COQ3: variants seen among roughly 807,000 people sequenced by gnomAD.
COQ3 encodes ubiquinone biosynthesis O-methyltransferase, mitochondrial.
In COQ3, 29 loss-of-function variants were observed where a neutral mutation model predicts 33.1. The observed-to-expected ratio is 0.88, with a 90% confidence interval of 0.65 to 1.19. The LOEUF (loss-of-function observed/expected upper bound fraction) is 1.19, where lower values mean the gene tolerates loss of function less well. COQ3 is among the 50% of genes most tolerant of loss of function. The pLI is 0.00. For missense variants in COQ3, 437 were observed against 430.7 expected (o/e 1.01, Z -0.13); for synonymous variants, 173 against 157.8 (o/e 1.10, Z -0.72).
chr6:99,376,534 A>T (rs903528583), intron 4 of COQ3, among the ~76,000 whole-genome samples: 1 of 152,262 alleles, frequency 6.6e-6, no homozygotes, highest in African/African-American at 2.4e-5. Context: ...TTGAAAAAAC[A>T]GCAATCATTT....
chr6:99,387,851 A>G (rs1438799980), intron 1 of COQ3, among the ~76,000 whole-genome samples: 3 of 152,220 alleles, frequency 2.0e-5, no homozygotes, highest in Non-Finnish European at 4.4e-5. Context: ...GCTCCTGGAA[A>G]TAATAAGTGA....
At chr6:99,390,933 T>C (rs1207485010) in intron 1 of COQ3, among the ~76,000 whole-genome samples, 1 of 152,190 alleles carries the variant, frequency 6.6e-6, no homozygotes, top group East Asian at 1.9e-4. Flanking sequence ...ATTTCACATC[T>C]TGTCTTTTTG....
At chr6:99,393,747 C>T (rs1242682755) in intron 1 of COQ3, among the ~76,000 whole-genome samples, 8 of 152,226 alleles carry the variant, frequency 5.3e-5, no homozygotes, top group African/African-American at 1.9e-4. Flanking sequence ...ATTCCTGCCC[C>T]GGCAAAGGAA....
chr6:99,382,596 G>A (rs757977259), intron 2 of COQ3, among the ~76,000 whole-genome samples: 1 of 152,124 alleles, frequency 6.6e-6, no homozygotes, highest in Non-Finnish European at 1.5e-5. Context: ...ATTTGACTAA[G>A]AATGATTTCA....
intron 1 of COQ3, among the ~76,000 whole-genome samples, chr6:99,384,825 C>T (rs1045170199): frequency 2.6e-5 from 4 of 152,058 alleles, no homozygotes; most frequent in African/African-American, 7.2e-5. Flanking sequence ...AATGTGTATG[C>T]ACCAGCAAGG....
intron 2 of COQ3, among the ~76,000 whole-genome samples, chr6:99,381,291 T>G (rs1774466267): frequency 6.6e-6 from 1 of 152,198 alleles, no homozygotes; most frequent in Non-Finnish European, 1.5e-5. Flanking sequence ...CAAATTTGAT[T>G]GTTATTTTCC....
chr6:99,387,500 T>A (rs1412832339), intron 1 of COQ3, among the ~76,000 whole-genome samples: 4 of 152,118 alleles, frequency 2.6e-5, no homozygotes, highest in African/African-American at 7.2e-5. Context: ...ATACCAAACA[T>A]AATCATGTTG....
At chr6:99,391,724 G>A (rs1466896390) in intron 1 of COQ3, among the ~76,000 whole-genome samples, 2 of 152,110 alleles carry the variant, frequency 1.3e-5, no homozygotes, top group Non-Finnish European at 2.9e-5. Flanking sequence ...TAGGCCAGAC[G>A]CAGTGGCTCA....
intron 5 of COQ3, among the ~76,000 whole-genome samples, chr6:99,373,253 G>T (rs952606109): frequency 2.0e-5 from 3 of 151,890 alleles, no homozygotes; most frequent in Non-Finnish European, 2.9e-5. Context: ...AGCGAGAACC[G>T]CATCTCTACA....
At chr6:99,394,040 A>C (rs756947444) in intron 1 of COQ3, 34 bp downstream of exon 1, 2 of 1,565,246 alleles carry the variant, frequency 1.3e-6, no homozygotes, top group Non-Finnish European at 1.8e-6. Flanking sequence ...CTCGCAATTG[A>C]CTGCATGCGA....
At chr6:99,383,865 A>G (rs190702864) in intron 1 of COQ3, 41 bp from the exon 2 acceptor site, 78 of 1,469,564 alleles carry the variant, frequency 5.3e-5, no homozygotes, top group Admixed American at 3.5e-4. Flanking sequence ...AGCTTTGCAC[A>G]GTAAGAATCC....
In COQ3 at chr6:99,389,515, A is replaced by G. The variant is rs373277991; in HGVS notation, c.106+4559T>C. Reference sequence around the variant, plus strand: ...AAAAAGTACAAAAGGGTACAGTACAAAGTATCTCTCCCAGCCCTGACTGTA... The same window carrying G: ...AAAAAGTACAAAAGGGTACAGTACAGAGTATCTCTCCCAGCCCTGACTGTA... On this transcript the variant is annotated intron_variant, in intron 1 of 6. Transcript: ENST00000254759. Among the ~76,000 whole-genome samples the G allele has an allele frequency of 7.2e-5, 11 of 152,176 alleles. No individual in the cohort carries two copies. The East Asian group carries it at 2.1e-3, about 29-fold the overall frequency.
chr6:99,379,337 T>C (rs1774402137), intron 3 of COQ3, among the ~76,000 whole-genome samples: 1 of 152,242 alleles, frequency 6.6e-6, no homozygotes, highest in South Asian at 2.1e-4. Context: ...GTGAGAATGG[T>C]GTCCAGTTTT....
In COQ3 at chr6:99,371,568, A is replaced by G; in HGVS notation, c.749T>C (p.Ile250Thr). The change falls in exon 6 of 7, where the codon ATT becomes ACT. Residue 250 changes from isoleucine (I) to threonine (T), a missense_variant. Physicochemically the swap from Ile to Thr is moderately conservative, Grantham distance 89. Transcript: ENST00000254759. ...QVLKPGGSLF[I>T]TTINKTQLSY... ...AAGTTGTGTTTTGTTGATTGTAGTA[A>G]TGAATAAAGAACCACCGGGCTAAAA... 1 of 1,600,602 alleles carries G rather than the reference A, an allele frequency of 6.2e-7. No individual in the cohort carries two copies. The highest frequency in any genetic ancestry group is 8.5e-7 in the Non-Finnish European group (1 of 1,173,996).
chr6:99,372,221 T>G (rs563720906), intron 5 of COQ3, among the ~76,000 whole-genome samples: 148 of 152,156 alleles, frequency 9.7e-4, no homozygotes, highest in South Asian at 7.3e-3. Context: ...CTGGCCAACA[T>G]GGCGAAACCC....
Position 99,376,202 on chromosome 6 carries a change from T to G in COQ3, c.487-20A>C. On this transcript the variant is annotated intron_variant, in intron 4 of 6. Coordinates refer to ENST00000254759, the MANE Select transcript of COQ3 (RefSeq NM_017421.4). Reference sequence around the variant, plus strand: ...TAGAGGCTAATGGCATTAAAAAAACTGTTACCCTCAGGAAGAAAATAGAGC... The same window carrying G: ...TAGAGGCTAATGGCATTAAAAAAACGGTTACCCTCAGGAAGAAAATAGAGC... 6.2e-7 allele frequency: 1 copy of G among 1,607,854 alleles called. No individual in the cohort carries two copies. Among genetic ancestry groups the G allele is most frequent in the Non-Finnish European group, 8.5e-7 (1 of 1,177,550 alleles).
chr6:99,393,455 C>T (rs1026142427), intron 1 of COQ3, among the ~76,000 whole-genome samples: 5 of 152,038 alleles, frequency 3.3e-5, no homozygotes, highest in Non-Finnish European at 7.4e-5. Flanking sequence ...TTTAAATTCC[C>T]AGTGCTCATA....
Position 99,371,561 on chromosome 6 carries a change from TG to T in COQ3, c.755del (p.Thr252LysfsTer39). The T allele has an allele frequency of 6.2e-7, 1 of 1,601,366 alleles. No individual in the cohort carries two copies. The highest frequency in any genetic ancestry group is 8.5e-7 in the Non-Finnish European group (1 of 1,174,826). The stretch of plus-strand genomic sequence containing the variant: ...CATAGGAAAGTTGTGTTTTGTTGAT[TG>T]TAGTAATGAATAAAGAACCACCGGG... Reference protein sequence around the residue: ...LKPGGSLFITTINKTQLSYAL... With the variant: ...LKPGGSLFITXINKTQLSYAL... On this transcript the variant is annotated frameshift_variant, in exon 6 of 7. Transcript: ENST00000254759. LOFTEE classifies it high-confidence loss of function.
intron 1 of COQ3, among the ~76,000 whole-genome samples, chr6:99,390,085 C>G (rs1774779608): frequency 6.6e-6 from 1 of 152,128 alleles, no homozygotes; most frequent in African/African-American, 2.4e-5. Context: ...CGCACTCCAG[C>G]CTGGGCGAAA....
Sources: gnomAD v4.1 joint callset for allele counts (sites outside exome capture counted in the v4.1 genomes callset) on GRCh38, gnomAD v4.1.1 for gene constraint, MANE v1.5 for transcripts, NCBI Gene and HGNC (gene_info 2026-07-23, HGNC 2026-07-21) for gene names.